Variants in LRRC4C observed in about 807,000 individuals in gnomAD.
The protein encoded by LRRC4C is leucine rich repeat containing 4C, also known as leucine-rich repeat-containing protein 4C.
A neutral mutation model predicts 33.6 loss-of-function variants in LRRC4C; 5 were observed. The observed-to-expected ratio is 0.15, with a 90% CI of 0.08 to 0.31. LRRC4C has a LOEUF of 0.31. Ranked by LOEUF, LRRC4C falls within the 10% of genes least tolerant of loss-of-function variation. LRRC4C has a pLI of 1.00. For synonymous variants in LRRC4C, 329 were observed against 302.0 expected (o/e 1.09, Z -0.93); for missense variants, 560 against 796.7 (o/e 0.70, Z 3.58).
At chr11:40,169,918 A>G (rs985674116) in intron 5 of LRRC4C, among the ~76,000 whole-genome samples, 1 of 152,196 alleles carries the variant, frequency 6.6e-6, no homozygotes, top group African/African-American at 2.4e-5. Context: ...GAAGTTTTCA[A>G]TTGGTCTTCC....
At chr11:40,352,373 A>G (rs566533610) in intron 3 of LRRC4C, among the ~76,000 whole-genome samples, 1 of 152,152 alleles carries the variant, frequency 6.6e-6, no homozygotes, top group Non-Finnish European at 1.5e-5. Flanking sequence ...AAGCAAAGAG[A>G]AAACTGATAA....
intron 1 of LRRC4C, among the ~76,000 whole-genome samples, chr11:40,986,212 C>CCCACTGTGA (rs1852982279): frequency 6.6e-6 from 1 of 152,000 alleles, no homozygotes; most frequent in Admixed American, 6.6e-5. Flanking sequence ...AAGAGTGAGT[C>CCCACTGTGA]CCACTGTGAT....
rs559652343 is a variant in LRRC4C, at chr11:41,316,423, T to C, written c.-496+143008A>G. On this transcript the variant is annotated intron_variant, in intron 1 of 6. Coordinates refer to ENST00000528697, the MANE Select transcript of LRRC4C (RefSeq NM_001258419.2). ...CACATTTTTTCCACTACAATCCTCATTGACTAAAGCATTACATTAAAAATA... is the reference window on the plus strand; with the variant it reads ...CACATTTTTTCCACTACAATCCTCACTGACTAAAGCATTACATTAAAAATA... Among the ~76,000 whole-genome samples the C allele has an allele frequency of 2.7e-4, 41 of 152,296 alleles. No individual in the cohort carries two copies. The South Asian group carries it at 3.9e-3, about 15-fold the overall frequency.
intron 5 of LRRC4C, among the ~76,000 whole-genome samples, chr11:40,190,940 T>C (rs539123894): frequency 6.6e-6 from 1 of 152,340 alleles, no homozygotes; most frequent in East Asian, 1.9e-4. Flanking sequence ...GCTTGGGATA[T>C]TTGCAGATTC....
At chr11:40,912,632 C>T (rs1365992967) in intron 2 of LRRC4C, among the ~76,000 whole-genome samples, 1 of 152,166 alleles carries the variant, frequency 6.6e-6, no homozygotes, top group East Asian at 1.9e-4. Flanking sequence ...GAAGAAACTG[C>T]ATCAACTAAC....
At chr11:40,165,927 G>C (rs917578698) in intron 5 of LRRC4C, among the ~76,000 whole-genome samples, 1 of 152,090 alleles carries the variant, frequency 6.6e-6, no homozygotes. Context: ...CCCGGGCAAG[G>C]AGAGCGAAAC....
rs565127637 is a variant in LRRC4C at position 40,576,515 on chromosome 11, T to C, written c.-270+71627A>G. On this transcript the variant is annotated intron_variant, in intron 3 of 6. Coordinates refer to ENST00000528697, the MANE Select transcript of LRRC4C (RefSeq NM_001258419.2). Reference sequence around the variant, plus strand: ...GCACTAACTAACTGATCCCTGAAAGTGGCATCATGCATCTCACTTACATCG... The same window carrying C: ...GCACTAACTAACTGATCCCTGAAAGCGGCATCATGCATCTCACTTACATCG... 1.4e-4 allele frequency among the ~76,000 whole-genome samples: 21 copies of C among 152,352 alleles called. No homozygotes were observed. In the South Asian group the frequency reaches 4.1e-3, roughly 30 times the overall value.
intron 5 of LRRC4C, among the ~76,000 whole-genome samples, chr11:40,192,917 G>A (rs976317669): frequency 1.3e-5 from 2 of 152,148 alleles, no homozygotes; most frequent in Admixed American, 1.3e-4. Flanking sequence ...CTCCTCTCTG[G>A]GCAGGGAATC....
intron 3 of LRRC4C, among the ~76,000 whole-genome samples, chr11:40,613,529 A>T (rs910330403): frequency 3.3e-5 from 5 of 151,778 alleles, no homozygotes; most frequent in African/African-American, 1.2e-4. Flanking sequence ...ATTCTACTGA[A>T]GTCTTGAAGC....
At chr11:41,323,064 T>A (rs1951004557) in intron 1 of LRRC4C, among the ~76,000 whole-genome samples, 1 of 152,200 alleles carries the variant, frequency 6.6e-6, no homozygotes, top group African/African-American at 2.4e-5. Flanking sequence ...AGCAATATTA[T>A]CTGACATCAG....
chr11:41,058,662 A>G (rs1356744809), intron 1 of LRRC4C, among the ~76,000 whole-genome samples: 2 of 152,236 alleles, frequency 1.3e-5, no homozygotes, highest in Non-Finnish European at 2.9e-5. Context: ...TTCCTCAAGG[A>G]AATTAAAACA....
intron 4 of LRRC4C, among the ~76,000 whole-genome samples, chr11:40,259,950 T>C (rs902843807): frequency 2.0e-5 from 3 of 149,962 alleles, no homozygotes; most frequent in African/African-American, 7.4e-5. Flanking sequence ...TTTTACACTG[T>C]TGGTGGGACT....
At chr11:41,297,457 T>C (rs1950174623) in intron 1 of LRRC4C, among the ~76,000 whole-genome samples, 1 of 152,150 alleles carries the variant, frequency 6.6e-6, no homozygotes. Flanking sequence ...TTAAAAAGTA[T>C]CAGTGTTTGC....
chr11:40,864,407 G>A (rs193005480), intron 2 of LRRC4C, among the ~76,000 whole-genome samples: 19 of 152,252 alleles, frequency 1.2e-4, no homozygotes, highest in African/African-American at 4.3e-4. Flanking sequence ...TACTAGTGCT[G>A]CCTCAGTTTA....
intron 2 of LRRC4C, among the ~76,000 whole-genome samples, chr11:40,755,571 A>G (rs1478315556): frequency 1.3e-5 from 2 of 152,012 alleles, no homozygotes; most frequent in Non-Finnish European, 2.9e-5. Context: ...CCCACCAGAC[A>G]TTTGGCAATG....
At chr11:40,427,088 A>G (rs1206559915) in intron 3 of LRRC4C, among the ~76,000 whole-genome samples, 1 of 152,238 alleles carries the variant, frequency 6.6e-6, no homozygotes, top group Non-Finnish European at 1.5e-5. Flanking sequence ...GATATACAGA[A>G]GAGACAGGAA....
At chr11:40,340,845 A>G (rs1946834041) in intron 3 of LRRC4C, among the ~76,000 whole-genome samples, 1 of 152,196 alleles carries the variant, frequency 6.6e-6, no homozygotes, top group Non-Finnish European at 1.5e-5. Context: ...AGCAAATAAA[A>G]AAATGAATTT....
At chr11:40,665,392 AG>A (rs1162735159) in intron 2 of LRRC4C, among the ~76,000 whole-genome samples, 1 of 103,308 alleles carries the variant, frequency 9.7e-6, no homozygotes, top group Non-Finnish European at 2.0e-5. Context: ...ATATATTATT[AG>A]GGGTAGGAGT....
intron 2 of LRRC4C, among the ~76,000 whole-genome samples, chr11:40,704,168 G>A (rs1946024955): frequency 6.6e-6 from 1 of 152,120 alleles, no homozygotes; most frequent in African/African-American, 2.4e-5. Context: ...ATATGCAGAT[G>A]ATTTAAAGTC....
Sources: gnomAD v4.1 joint callset for allele counts (sites outside exome capture counted in the v4.1 genomes callset) on GRCh38, gnomAD v4.1.1 for gene constraint, MANE v1.5 for transcripts, NCBI Gene and HGNC (gene_info 2026-07-23, HGNC 2026-07-21) for gene names.